KDM2B: variants seen among roughly 807,000 people sequenced by gnomAD.
KDM2B encodes lysine demethylase 2B, also known as lysine-specific demethylase 2B.
A neutral mutation model predicts 150.0 loss-of-function variants in KDM2B; 26 were observed. That is an observed-to-expected ratio of 0.17 (90% CI 0.13 to 0.24). The LOEUF is 0.24. Ranked by LOEUF, KDM2B falls within the 10% of genes least tolerant of loss-of-function variation. The pLI, the probability that KDM2B is intolerant of heterozygous loss-of-function variation, is 1.00. For synonymous variants in KDM2B, 734 were observed against 729.5 expected (o/e 1.01, Z -0.10); for missense variants, 1,265 against 1,816.9 (o/e 0.70, Z 5.52).
intron 12 of KDM2B, among the ~76,000 whole-genome samples, chr12:121,492,471 T>G (rs141828144): frequency 0.012 from 1,773 of 150,616 alleles, 36 homozygotes; most frequent in Admixed American, 0.05. Flanking sequence ...CCATGCCCAG[T>G]TAATTTTTGT....
Position 121,442,734 on chromosome 12 carries a change from TG to T in KDM2B, c.2706del (p.Lys903ArgfsTer31). 6.4e-6 allele frequency: 10 copies of T among 1,562,036 alleles called. No individual in the cohort carries two copies. The highest frequency in any genetic ancestry group is 6.0e-6 in the Non-Finnish European group (7 of 1,158,250). Reference protein sequence around the residue: ...EPEDELPEAPPKTRESDHSRS... With the variant: ...EPEDELPEAPXKTRESDHSRS... ...CGGGAGTGGTCGCTCTCCCTGGTCT[TG>T]GGGGGCGCCTCGGGCAGTTCGTCCT... is the stretch of plus-strand genomic sequence containing the variant. On this transcript the variant is annotated frameshift_variant, in exon 19 of 23. Coordinates refer to ENST00000377071, the MANE Select transcript of KDM2B (RefSeq NM_032590.5). LOFTEE classifies it high-confidence loss of function. This position sits in a 1 kb window ranked among gnomAD's most constrained non-coding sequence, Gnocchi z 7.7.
At chr12:121,434,496 C>CT (rs1873622858) in intron 22 of KDM2B, among the ~76,000 whole-genome samples, 1 of 101,506 alleles carries the variant, frequency 9.9e-6, no homozygotes, top group African/African-American at 4.1e-5. Flanking sequence ...GCGAGACTCT[C>CT]TATCAAAAAA....
intron 12 of KDM2B, among the ~76,000 whole-genome samples, chr12:121,465,157 C>A (rs1879697221): frequency 1.3e-5 from 2 of 152,180 alleles, no homozygotes; most frequent in Admixed American, 1.3e-4. Context: ...GTGCCACAAT[C>A]GGCTTGACCA....
chr12:121,467,331 C>G lies in KDM2B; in HGVS notation c.1735-13987G>C. 2.0e-6 allele frequency: 2 copies of G among 981,376 alleles called. No homozygotes were observed. The highest frequency in any genetic ancestry group is 2.4e-6 in the Non-Finnish European group (2 of 828,274). 60.8% of individuals were successfully genotyped at this position (981,376 alleles called of 1,614,324 possible). On this transcript the variant is annotated intron_variant, in intron 12 of 22. Transcript: ENST00000377071. The surrounding 1 kb of genome is among the most constrained non-coding windows in gnomAD (Gnocchi z 5.1). ...GGGCTCGGGCTCGGGCTCGGGCTCC[C>G]GCTGCCGCGAGGAGGGAGCCGCGCC...
intron 8 of KDM2B, chr12:121,524,710 CATGAG>C: frequency 2.2e-6 from 1 of 454,282 alleles, no homozygotes. Flanking sequence ...GCCCAGGAAG[CATGAG>C]AGCCGGTGCT....
At chr12:121,500,647 T>TCCTGCTCTGGGGAACC (rs1368057469) in intron 11 of KDM2B, among the ~76,000 whole-genome samples, 2 of 152,202 alleles carry the variant, frequency 1.3e-5, no homozygotes, top group African/African-American at 4.8e-5. Context: ...CTTGGGGAAC[T>TCCTGCTCTGGGGAACC]CCTGCTCTGG....
chr12:121,461,127 GGTGACT>G (rs1441433588), intron 12 of KDM2B, among the ~76,000 whole-genome samples: 52 of 152,304 alleles, frequency 3.4e-4, no homozygotes, highest in African/African-American at 1.2e-3. Flanking sequence ...CATAGGAGGT[GGTGACT>G]AAGGTGGGTC....
chr12:121,536,999 T>G (rs1443602488), intron 6 of KDM2B, among the ~76,000 whole-genome samples: 4 of 152,210 alleles, frequency 2.6e-5, no homozygotes, highest in African/African-American at 9.6e-5. Context: ...AAGTTGAGTC[T>G]GTGTCTGATC....
At chr12:121,551,611 G>T (rs1380887820) in intron 4 of KDM2B, among the ~76,000 whole-genome samples, 1 of 152,152 alleles carries the variant, frequency 6.6e-6, no homozygotes, top group African/African-American at 2.4e-5. Flanking sequence ...GGAGTATAGT[G>T]GCACAATCTC....
chr12:121,467,287 G>A lies in KDM2B; in HGVS notation c.1735-13943C>T, dbSNP rs1880152573. The stretch of plus-strand genomic sequence containing the variant: ...CGCCGCCGCCGCCCGCCCGGAGCAG[G>A]CTCGGCTCGCCCTGGCTCGGGCTCG... On this transcript the variant is annotated intron_variant, in intron 12 of 22. Coordinates refer to ENST00000377071, the MANE Select transcript of KDM2B (RefSeq NM_032590.5). The surrounding 1 kb of genome is among the most constrained non-coding windows in gnomAD (Gnocchi z 5.1). 4 of 985,808 alleles carry A rather than the reference G, an allele frequency of 4.1e-6. No homozygotes were observed. Among genetic ancestry groups the A allele is most frequent in the Admixed American group, 6.2e-5 (1 of 16,010 alleles). The allele number at this position is 985,808 out of a possible 1,614,324, so 61.1% of individuals were successfully genotyped here. A position where few individuals can be genotyped will look rare whatever the true frequency, so the allele number is the denominator to read the frequency against.
At chr12:121,547,856 T>C (rs1416012913) in intron 6 of KDM2B, among the ~76,000 whole-genome samples, 1 of 151,982 alleles carries the variant, frequency 6.6e-6, no homozygotes, top group Non-Finnish European at 1.5e-5. Context: ...TTGGTCTGGC[T>C]GGTCTCGAAC....
At chr12:121,463,139 A>AC (rs1486544563) in intron 12 of KDM2B, among the ~76,000 whole-genome samples, 2 of 151,792 alleles carry the variant, frequency 1.3e-5, no homozygotes, top group Non-Finnish European at 2.9e-5. Flanking sequence ...ACATGGTGAA[A>AC]CCCCGTCTCT....
chr12:121,453,258 C>G lies in KDM2B; in HGVS notation c.1821G>C (p.Arg607=). 7 of 1,607,776 alleles carry G rather than the reference C, an allele frequency of 4.4e-6. No individual in the cohort carries two copies. The highest frequency in any genetic ancestry group is 5.9e-6 in the Non-Finnish European group (7 of 1,177,932). Reference sequence around the variant, plus strand: ...ACTTGCGGCATCGCGTCCGGCGCCGCCGAGCTCCTGCCGTTGTCCGGTTGG... The same window carrying G: ...ACTTGCGGCATCGCGTCCGGCGCCGGCGAGCTCCTGCCGTTGTCCGGTTGG... The part of the protein sequence containing the change: ...LAANRTTAGA[R]RRRTRCRKCE... The change falls in exon 13 of 23, where the codon CGG becomes CGC. Residue 607 remains arginine, a synonymous_variant. Transcript: ENST00000377071. This position sits in a 1 kb window ranked among gnomAD's most constrained non-coding sequence, Gnocchi z 6.4.
the KDM2B span, chr12:121,416,071 T>G: frequency 9.4e-7 from 1 of 1,062,220 alleles, no homozygotes; most frequent in Non-Finnish European, 1.4e-6. Context: ...GAGGGCAAAC[T>G]TACCTCTCCA....
chr12:121,442,412 T>C lies in KDM2B; in HGVS notation c.3029A>G (p.His1010Arg), dbSNP rs782389899. The change falls in exon 19 of 23, where the codon CAC becomes CGC. Residue 1010 changes from histidine (H) to arginine (R), a missense_variant. Coordinates refer to ENST00000377071, the MANE Select transcript of KDM2B (RefSeq NM_032590.5). The surrounding 1 kb of genome is among the most constrained non-coding windows in gnomAD (Gnocchi z 7.7). ...GLNGTPRELRHQLGPSLRSPP... is the reference protein window; with the variant it reads ...GLNGTPRELRRQLGPSLRSPP... ...GCTGCGCAGGCTGGGCCCCAGCTGG[T>C]GCCGCAGCTCCCGGGGGGTGCCGTT... The C allele has an allele frequency of 4.4e-6, 7 of 1,596,802 alleles. No individual in the cohort carries two copies. The East Asian group carries it at 1.6e-4, about 36-fold the overall frequency.
downstream of KDM2B, among the ~76,000 whole-genome samples, chr12:121,427,703 C>T (rs1872575836): frequency 6.9e-6 from 1 of 144,104 alleles, no homozygotes; most frequent in Non-Finnish European, 1.6e-5. Flanking sequence ...TATTGCACAT[C>T]CATGTGGTGG....
Position 121,527,526 on chromosome 12 carries a change from C to T in KDM2B, c.931+5280G>A, listed in dbSNP as rs1168379253. Among the ~76,000 whole-genome samples, 9 of 150,396 alleles carry T rather than the reference C, an allele frequency of 6.0e-5. No individual in the cohort carries two copies. The South Asian group carries it at 1.5e-3, about 25-fold the overall frequency. On this transcript the variant is annotated intron_variant, in intron 8 of 22. Transcript: ENST00000377071. Reference sequence around the variant, plus strand: ...AAAGTTAGCCGGGCATGGTGGCAGGCGCCTGTAGTCCCAGCTACTCAGGAG... The same window carrying T: ...AAAGTTAGCCGGGCATGGTGGCAGGTGCCTGTAGTCCCAGCTACTCAGGAG...
intron 9 of KDM2B, among the ~76,000 whole-genome samples, chr12:121,515,422 G>A (rs181472275): frequency 3.1e-4 from 1 of 3,198 alleles, no homozygotes; most frequent in South Asian, 6.6e-3. Context: ...CCACCCCCCT[G>A]ATCACACTCC....
At chr12:121,450,164 AT>A (rs1876976563) in intron 13 of KDM2B, among the ~76,000 whole-genome samples, 1 of 151,992 alleles carries the variant, frequency 6.6e-6, no homozygotes, top group Non-Finnish European at 1.5e-5. Context: ...AAATACAAAA[AT>A]TAGCTGGGTG....
Sources: allele counts gnomAD v4.1 joint callset (sites outside exome capture counted in the v4.1 genomes callset), GRCh38; gene constraint gnomAD v4.1.1; non-coding constraint Gnocchi (gnomAD v3.1); transcripts MANE v1.5; gene names NCBI Gene and HGNC (gene_info 2026-07-23, HGNC 2026-07-21).